The following GNG7 variants were observed in gnomAD, a reference collection of about 807,000 sequenced individuals.
The protein encoded by GNG7 is guanine nucleotide-binding protein G(I)/G(S)/G(O) subunit gamma-7.
A neutral mutation model predicts 4.0 loss-of-function variants in GNG7; 1 was observed. The ratio of observed to expected loss-of-function variants is 0.25; its 90% confidence interval spans 0.09 to 1.18. GNG7 has a LOEUF of 1.18. Among genes scored for constraint, GNG7 ranks in the 50% most tolerant of loss-of-function variants. GNG7 has a pLI of 0.50. For missense variants in GNG7, 86 were observed against 91.9 expected (o/e 0.94, Z 0.26); for synonymous variants, 34 against 36.9 (o/e 0.92, Z 0.29).
At chr19:2,656,280 C>G (rs1227571232) in intron 1 of GNG7, among the ~76,000 whole-genome samples, 1 of 152,168 alleles carries the variant, frequency 6.6e-6, no homozygotes. Context: ...AGGAAACCAA[C>G]CTACATGTCC....
At chr19:2,526,519 CATATTT>C (rs1417885656) in intron 3 of GNG7, among the ~76,000 whole-genome samples, 1 of 148,038 alleles carries the variant, frequency 6.8e-6, no homozygotes, top group African/African-American at 2.5e-5. Context: ...TATTTATACT[CATATTT>C]ATATTTATGT....
intron 2 of GNG7, among the ~76,000 whole-genome samples, chr19:2,586,376 TC>T (rs1382727282): frequency 6.6e-6 from 1 of 152,150 alleles, no homozygotes; most frequent in African/African-American, 2.4e-5. Context: ...AGTTTCCCAT[TC>T]CGCTCAGCAG....
intron 2 of GNG7, chr19:2,632,896 T>C (rs993346700): frequency 6.6e-6 from 1 of 152,268 alleles, no homozygotes; most frequent in Non-Finnish European, 1.5e-5. Context: ...CACAGTGGGC[T>C]CTGCACTGGG....
At chr19:2,543,677 G>T (rs373333489) in intron 3 of GNG7, among the ~76,000 whole-genome samples, 1 of 152,160 alleles carries the variant, frequency 6.6e-6, no homozygotes, top group Non-Finnish European at 1.5e-5. Flanking sequence ...CTCTCCTGAC[G>T]GCACAGGAAG....
intron 3 of GNG7, among the ~76,000 whole-genome samples, chr19:2,553,659 G>A (rs1037349700): frequency 4.5e-5 from 6 of 134,622 alleles, no homozygotes; most frequent in East Asian, 4.6e-4. Flanking sequence ...TTACATACAT[G>A]CACACGTTAC....
At position 2,661,527 on chromosome 19, in the gene GNG7, G is replaced by A. The variant is rs568859025; in HGVS notation, c.-134-15247C>T. ...AAAATATAAAAATTAGCCAGTAATT[G>A]GCTAATTACTGTAATTATGCCTGTA... On this transcript the variant is annotated intron_variant, in intron 1 of 4. Coordinates refer to ENST00000382159, the MANE Select transcript of GNG7 (RefSeq NM_052847.3). 9.2e-5 allele frequency among the ~76,000 whole-genome samples: 14 copies of A among 151,918 alleles called. 1 individual carries two copies. In the South Asian group the frequency reaches 2.7e-3, roughly 29 times the overall value.
chr19:2,555,713 G>T (rs1017725546), intron 2 of GNG7, among the ~76,000 whole-genome samples: 1 of 152,128 alleles, frequency 6.6e-6, no homozygotes, highest in African/African-American at 2.4e-5. Context: ...GGGGTCTCAT[G>T]TGAGCCGCCC....
chr19:2,659,481 T>C (rs1361707517), intron 1 of GNG7, among the ~76,000 whole-genome samples: 1 of 149,560 alleles, frequency 6.7e-6, no homozygotes, highest in Non-Finnish European at 1.5e-5. Flanking sequence ...TCCCAGCTAC[T>C]TGGGAAGCTG....
rs902084813 is a variant in GNG7, at chr19:2,619,018, A to C, written c.-78+27206T>G. On this transcript the variant is annotated intron_variant, in intron 2 of 4. Transcript: ENST00000382159. ...CTCTTTAAGAAAACGGTTACTATCC[A>C]TGAAAAACAAACAAACAAAAAATGT... 5.9e-5 allele frequency among the ~76,000 whole-genome samples: 9 copies of C among 152,184 alleles called. 1 individual carries two copies. The highest frequency in any genetic ancestry group is 5.9e-4 in the Admixed American group (9 of 15,268).
intron 3 of GNG7, among the ~76,000 whole-genome samples, chr19:2,549,001 T>C (rs1979226873): frequency 2.0e-5 from 3 of 152,144 alleles, no homozygotes; most frequent in Non-Finnish European, 4.4e-5. Context: ...AAGGGTTTCC[T>C]GGGTCCCTGT....
intron 1 of GNG7, among the ~76,000 whole-genome samples, chr19:2,659,610 A>AAAAG (rs5826778): frequency 8.2e-6 from 1 of 121,450 alleles, no homozygotes; most frequent in East Asian, 3.1e-4. Context: ...AAAAAAAAAA[A>AAAAG]AGAGAGGAGG....
intron 2 of GNG7, among the ~76,000 whole-genome samples, chr19:2,596,183 A>T (rs1411776439): frequency 6.6e-6 from 1 of 151,984 alleles, no homozygotes; most frequent in Non-Finnish European, 1.5e-5. Context: ...ACATGGTGAA[A>T]CCCCATCTCT....
Position 2,633,503 on chromosome 19 carries a change from A to G in GNG7, c.-78+12721T>C, listed in dbSNP as rs1243602987. On this transcript the variant is annotated intron_variant, in intron 2 of 4. Transcript: ENST00000382159. This position sits in a 1 kb window ranked among gnomAD's most constrained non-coding sequence, Gnocchi z 5.9. ...CGCGCGCGCGCACACACACACACAC[A>G]CACACACACACACACACACACGAGA... Among the ~76,000 whole-genome samples the G allele has an allele frequency of 4.1e-5, 6 of 144,912 alleles. No homozygotes were observed. Among genetic ancestry groups the G allele is most frequent in the African/African-American group, 1.7e-4 (6 of 35,736 alleles).
intron 1 of GNG7, among the ~76,000 whole-genome samples, chr19:2,676,424 G>T (rs371197270): frequency 6.6e-6 from 1 of 152,030 alleles, no homozygotes; most frequent in Non-Finnish European, 1.5e-5. Context: ...AGAAGTGTCC[G>T]TCAAACCCTC....
At chr19:2,697,065 T>C (rs943508403) in intron 1 of GNG7, among the ~76,000 whole-genome samples, 1 of 152,154 alleles carries the variant, frequency 6.6e-6, no homozygotes, top group African/African-American at 2.4e-5. Flanking sequence ...GGTCTCGAAC[T>C]CCTGACCTCA....
At chr19:2,516,413 C>T (rs533904705) in intron 4 of GNG7, among the ~76,000 whole-genome samples, 60 of 152,018 alleles carry the variant, frequency 3.9e-4, no homozygotes, top group Admixed American at 1.9e-3. Context: ...TTAGTAGAGA[C>T]GGGTTTCAGC....
intron 1 of GNG7, among the ~76,000 whole-genome samples, chr19:2,656,996 A>G (rs1269010472): frequency 6.6e-6 from 1 of 152,066 alleles, no homozygotes; most frequent in Non-Finnish European, 1.5e-5. Flanking sequence ...GCCTTAAAAC[A>G]TGAAACAGCG....
intron 2 of GNG7, among the ~76,000 whole-genome samples, chr19:2,596,007 T>C (rs1960839183): frequency 6.6e-6 from 1 of 152,122 alleles, no homozygotes; most frequent in Middle Eastern, 3.4e-3. Flanking sequence ...CTTGTTACTC[T>C]ACTACAGAGG....
intron 1 of GNG7, among the ~76,000 whole-genome samples, chr19:2,671,852 C>A (rs866404900): frequency 6.6e-6 from 1 of 151,312 alleles, no homozygotes; most frequent in African/African-American, 2.4e-5. Context: ...CAGATCGAGA[C>A]CATCCTGGCT....
Sources: allele counts gnomAD v4.1 joint callset (sites outside exome capture counted in the v4.1 genomes callset), GRCh38; gene constraint gnomAD v4.1.1; non-coding constraint Gnocchi (gnomAD v3.1); transcripts MANE v1.5; gene names NCBI Gene and HGNC (gene_info 2026-07-23, HGNC 2026-07-21).